The following ME3 variants were observed in gnomAD, a reference collection of about 807,000 sequenced individuals.
ME3 encodes malic enzyme 3.
A neutral mutation model predicts 68.9 loss-of-function variants in ME3; 48 were observed. The observed-to-expected ratio is 0.70, with a 90% CI of 0.55 to 0.89. The LOEUF (loss-of-function observed/expected upper bound fraction) is 0.89, where lower values mean the gene tolerates loss of function less well. Among genes scored for constraint, ME3 ranks in the 40% least tolerant of loss-of-function variants. The probability of loss-of-function intolerance (pLI) is 0.00; values close to 1 mark genes in which losing one functional copy is unlikely to be tolerated. For synonymous variants in ME3, 320 were observed against 318.8 expected, an observed-to-expected ratio of 1.00 and a Z score of -0.04; for missense variants, 675 against 797.4, an observed-to-expected ratio of 0.85 and a Z score of 1.85.
chr11:86,577,468 G>A (rs770326989), intron 2 of ME3, among the ~76,000 whole-genome samples: 10 of 152,050 alleles, frequency 6.6e-5, no homozygotes, highest in Non-Finnish European at 1.3e-4. Context: ...AAATGTCGGG[G>A]GCCTCTTCTG....
chr11:86,613,434 A>G (rs1433874070), intron 2 of ME3, among the ~76,000 whole-genome samples: 1 of 152,208 alleles, frequency 6.6e-6, no homozygotes, highest in Non-Finnish European at 1.5e-5. Context: ...CTCTCTCACC[A>G]CTACTTTTCA....
At chr11:86,565,498 A>G (rs1257023932) in intron 2 of ME3, among the ~76,000 whole-genome samples, 10 of 152,348 alleles carry the variant, frequency 6.6e-5, no homozygotes, top group African/African-American at 2.2e-4. Flanking sequence ...CAACATATGA[A>G]TGGATGAACA....
Position 86,447,058 on chromosome 11 carries a change from C to T in ME3, c.1380+7G>A, listed in dbSNP as rs535027634. On this transcript the variant is annotated splice_region_variant and intron_variant, in intron 12 of 14. Coordinates refer to ENST00000543262, the Ensembl canonical transcript of ME3. ...TCAGCCGGGGGAAGGAAGGACTCCC[C>T]GCTGACCTCGGTGACCCGGTAGCAC... The T allele has an allele frequency of 2.2e-5, 35 of 1,613,474 alleles. No individual in the cohort carries two copies. The highest frequency in any genetic ancestry group is 1.8e-4 in the South Asian group (16 of 90,962).
intron 4 of ME3, among the ~76,000 whole-genome samples, chr11:86,528,396 C>A (rs1389929275): frequency 6.6e-6 from 1 of 152,110 alleles, no homozygotes; most frequent in Admixed American, 6.5e-5. Flanking sequence ...GACTCCCACA[C>A]AATAATAATG....
At chr11:86,579,859 A>G (rs909284193) in intron 2 of ME3, among the ~76,000 whole-genome samples, 2 of 152,214 alleles carry the variant, frequency 1.3e-5, no homozygotes, top group African/African-American at 4.8e-5. Flanking sequence ...AAGTTCAGCT[A>G]TTGGGAATGC....
downstream of ME3, among the ~76,000 whole-genome samples, chr11:86,438,248 G>A (rs1317430749): frequency 6.6e-6 from 1 of 151,482 alleles, no homozygotes; most frequent in African/African-American, 2.4e-5. Context: ...TGATTTTTTT[G>A]TCTTTCATTC....
At chr11:86,643,880 C>T (rs1944828548) in intron 2 of ME3, among the ~76,000 whole-genome samples, 1 of 152,150 alleles carries the variant, frequency 6.6e-6, no homozygotes, top group Admixed American at 6.5e-5. Context: ...TCTGGAAGAC[C>T]ATGGGCAACT....
chr11:86,584,124 C>A (rs1958598157), intron 2 of ME3, among the ~76,000 whole-genome samples: 1 of 151,998 alleles, frequency 6.6e-6, no homozygotes, highest in Admixed American at 6.6e-5. Flanking sequence ...AATGGCAACC[C>A]CCTCCAATAA....
At chr11:86,651,172 G>C (rs1373592268) in intron 2 of ME3, among the ~76,000 whole-genome samples, 1 of 152,272 alleles carries the variant, frequency 6.6e-6, no homozygotes, top group African/African-American at 2.4e-5. Flanking sequence ...CTGGGGGCAG[G>C]GCATAGCCAA....
At chr11:86,486,198 C>T (rs758250089) in intron 7 of ME3, among the ~76,000 whole-genome samples, 3 of 152,160 alleles carry the variant, frequency 2.0e-5, no homozygotes, top group Non-Finnish European at 4.4e-5. Context: ...GATCCTTTTT[C>T]CTGCTTGCTT....
intron 13 of ME3, among the ~76,000 whole-genome samples, 160 bp from the exon 14 acceptor site, chr11:86,443,079 G>C (rs563398578): frequency 1.4e-4 from 21 of 152,204 alleles, no homozygotes; most frequent in Non-Finnish European, 2.6e-4. Context: ...ATGCTTGGGC[G>C]TAAGAGAGGA....
At chr11:86,485,385 C>T (rs1951626422) in intron 7 of ME3, among the ~76,000 whole-genome samples, 1 of 152,166 alleles carries the variant, frequency 6.6e-6, no homozygotes, top group Non-Finnish European at 1.5e-5. Context: ...ATGTGGTATT[C>T]AGGATTTCTG....
At chr11:86,615,683 G>A (rs1254256798) in intron 2 of ME3, among the ~76,000 whole-genome samples, 1 of 152,130 alleles carries the variant, frequency 6.6e-6, no homozygotes, top group Non-Finnish European at 1.5e-5. Flanking sequence ...TGTGAGGTAA[G>A]TAGCAGTGAA....
intron 2 of ME3, among the ~76,000 whole-genome samples, chr11:86,567,239 A>AAAGAAAGAAAGG (rs201194616): frequency 0.042 from 4,625 of 110,552 alleles, 88 homozygotes; most frequent in African/African-American, 0.045. Flanking sequence ...GAAAGAAAAG[A>AAAGAAAGAAAGG]AAGAAAGGAA....
intron 2 of ME3, among the ~76,000 whole-genome samples, chr11:86,560,748 G>GTGTATGTGTGTATATATATATATA (rs1243025217): frequency 8.0e-5 from 5 of 62,524 alleles, no homozygotes; most frequent in East Asian, 6.7e-4. Flanking sequence ...GTGTGTGTGT[G>GTGTATGTGTGTATATATATATATA]TATATATATA....
chr11:86,659,883 G>T (rs961821059), intron 2 of ME3, among the ~76,000 whole-genome samples: 2 of 152,118 alleles, frequency 1.3e-5, no homozygotes, highest in African/African-American at 4.8e-5. Context: ...TCAATCGATA[G>T]ATAGATCCAA....
chr11:86,662,814 G>A (rs557959011), intron 2 of ME3, among the ~76,000 whole-genome samples: 9 of 152,216 alleles, frequency 5.9e-5, no homozygotes, highest in East Asian at 1.9e-4. Flanking sequence ...ATCTGCATTG[G>A]AATCTTCAAC....
At chr11:86,527,248 TG>T (rs1188728871) in intron 4 of ME3, among the ~76,000 whole-genome samples, 1 of 152,030 alleles carries the variant, frequency 6.6e-6, no homozygotes, top group Non-Finnish European at 1.5e-5. Context: ...TTGGATCAAC[TG>T]GAAGAAAGGG....
chr11:86,583,204 A>G lies in ME3; in HGVS notation c.184-23381T>C, dbSNP rs145572228. ...TCCCTCTTTCATTTAATGAGCACAG[A>G]CTGTGTGATATACATAGTGCTAGGT... On this transcript the variant is annotated intron_variant, in intron 2 of 14. Transcript: ENST00000543262. Among the ~76,000 whole-genome samples the G allele has an allele frequency of 4.4e-4, 67 of 152,300 alleles. 3 individuals are homozygous for G. The East Asian group carries it at 8.5e-3, about 19-fold the overall frequency.
Sources: gnomAD v4.1 joint callset for allele counts (sites outside exome capture counted in the v4.1 genomes callset) on GRCh38, gnomAD v4.1.1 for gene constraint, MANE v1.5 for transcripts, NCBI Gene and HGNC (gene_info 2026-07-23, HGNC 2026-07-21) for gene names.